Variants in TUSC3 observed in about 807,000 individuals in gnomAD.
The protein encoded by TUSC3 is dolichyl-diphosphooligosaccharide--protein glycosyltransferase subunit TUSC3.
Under a neutral mutation model 44.8 loss-of-function variants are expected in TUSC3, and 45 were observed. The observed-to-expected ratio is 1.00, with a 90% CI of 0.79 to 1.29. The LOEUF is 1.29. Ranked by LOEUF, TUSC3 falls within the 50% of genes most tolerant of loss-of-function variation. The probability of loss-of-function intolerance (pLI) is 0.00; values close to 1 mark genes in which losing one functional copy is unlikely to be tolerated. For synonymous variants in TUSC3, 212 were observed against 152.9 expected, an observed-to-expected ratio of 1.39 and a Z score of -2.85; for missense variants, 519 against 437.9, an observed-to-expected ratio of 1.19 and a Z score of -1.65.
chr8:15,774,993 T>C, the TUSC3 span, among the ~76,000 whole-genome samples: 1 of 152,000 alleles, frequency 6.6e-6, no homozygotes, highest in Non-Finnish European at 1.5e-5. Flanking sequence ...TAAGGGAAAA[T>C]AGGTGTTTAA....
At chr8:15,423,258 G>A (rs1799760831) in intron 1 of TUSC3, among the ~76,000 whole-genome samples, 1 of 152,102 alleles carries the variant, frequency 6.6e-6, no homozygotes, top group Non-Finnish European at 1.5e-5. Flanking sequence ...TAATATTTCT[G>A]CATCTATGAT....
the TUSC3 span, among the ~76,000 whole-genome samples, chr8:15,785,084 T>C: frequency 6.2e-4 from 94 of 152,182 alleles, no homozygotes; most frequent in African/African-American, 2.2e-3. Flanking sequence ...GGATAATGTG[T>C]TAATCCACTA....
At chr8:15,553,364 G>T (rs1354284818) in intron 1 of TUSC3, among the ~76,000 whole-genome samples, 1 of 151,664 alleles carries the variant, frequency 6.6e-6, no homozygotes, top group South Asian at 2.1e-4. Flanking sequence ...CTGCAAAAGC[G>T]ATGCTTGCAA....
intron 1 of TUSC3, among the ~76,000 whole-genome samples, chr8:15,577,008 C>A (rs1307746238): frequency 7.2e-6 from 1 of 138,716 alleles, no homozygotes. Flanking sequence ...GCCATTCTAA[C>A]TGGTGTGAGA....
Position 15,540,447 on chromosome 8 carries a change from C to T in TUSC3, c.17C>T (p.Ala6Val), listed in dbSNP as rs1211304490. 6 of 1,600,164 alleles carry T rather than the reference C, an allele frequency of 3.7e-6. No homozygotes were observed. The Admixed American group carries it at 8.5e-5, about 23-fold the overall frequency. MGARG[A>V]PSRRRQAGRR... is the part of the protein sequence containing the mutation. ...CCTGCCGCGATGGGGGCCCGGGGCG[C>T]TCCTTCACGCCGTAGGCAAGCGGGG... Residue 6 changes from alanine to valine, a missense_variant, in exon 1 of 11, where the codon GCT (alanine) becomes GTT (valine). Ala to Val is a moderately conservative substitution (Grantham distance 64). Coordinates refer to ENST00000503731, the MANE Select transcript of TUSC3 (RefSeq NM_006765.4).
the TUSC3 span, among the ~76,000 whole-genome samples, chr8:15,778,602 C>G: frequency 6.6e-6 from 1 of 152,128 alleles, no homozygotes; most frequent in East Asian, 1.9e-4. Context: ...CTTTCTCTTC[C>G]AAGTAGGCAG....
intron 2 of TUSC3, among the ~76,000 whole-genome samples, chr8:15,486,506 G>C (rs138345855): frequency 6.6e-6 from 1 of 152,048 alleles, no homozygotes; most frequent in Non-Finnish European, 1.5e-5. Context: ...GTACAGTGGT[G>C]CTGTCTCGCC....
chr8:15,718,015 A>G (rs925369638), intron 6 of TUSC3, among the ~76,000 whole-genome samples: 4 of 152,118 alleles, frequency 2.6e-5, no homozygotes, highest in African/African-American at 9.7e-5. Context: ...GCATTTTATG[A>G]AACAGAATAT....
intron 1 of TUSC3, among the ~76,000 whole-genome samples, chr8:15,599,647 A>G (rs1804201074): frequency 6.7e-6 from 1 of 149,638 alleles, no homozygotes; most frequent in Non-Finnish European, 1.5e-5. Context: ...GTAGATATCT[A>G]GCTGTTCTAG....
upstream of TUSC3, among the ~76,000 whole-genome samples, chr8:15,536,434 C>G (rs1416992677): frequency 1.3e-5 from 2 of 151,994 alleles, no homozygotes; most frequent in East Asian, 3.9e-4. Flanking sequence ...GTAATCCCAG[C>G]ACTTTGGGAT....
At chr8:15,609,449 C>T (rs1416420730) in intron 1 of TUSC3, among the ~76,000 whole-genome samples, 2 of 152,122 alleles carry the variant, frequency 1.3e-5, no homozygotes, top group African/African-American at 4.8e-5. Context: ...CTTTTAACAG[C>T]TGCTCTCATT....
At chr8:15,477,714 C>T (rs886699781) in intron 1 of TUSC3, among the ~76,000 whole-genome samples, 1 of 152,006 alleles carries the variant, frequency 6.6e-6, no homozygotes, top group East Asian at 1.9e-4. Flanking sequence ...GAGTGAGACT[C>T]TGTCTCAAAA....
At chr8:15,798,094 G>T in the TUSC3 span, among the ~76,000 whole-genome samples, 1 of 152,108 alleles carries the variant, frequency 6.6e-6, no homozygotes, top group Non-Finnish European at 1.5e-5. Context: ...TCCCACTAGG[G>T]GTTCTCTACA....
intron 1 of TUSC3, among the ~76,000 whole-genome samples, chr8:15,594,528 T>A (rs1803985317): frequency 6.6e-6 from 1 of 152,234 alleles, no homozygotes; most frequent in Non-Finnish European, 1.5e-5. Flanking sequence ...GTTCTGGCTG[T>A]GATGCAAGCA....
At chr8:15,715,676 T>C (rs1810028270) in intron 6 of TUSC3, among the ~76,000 whole-genome samples, 1 of 151,814 alleles carries the variant, frequency 6.6e-6, no homozygotes, top group African/African-American at 2.4e-5. Flanking sequence ...GGGGGACTAC[T>C]ATGCATTTCC....
At chr8:15,577,093 G>T (rs1803146361) in intron 1 of TUSC3, among the ~76,000 whole-genome samples, 1 of 144,860 alleles carries the variant, frequency 6.9e-6, no homozygotes, top group Non-Finnish European at 1.5e-5. Context: ...TGTGTTTCTT[G>T]GCTGCATAAA....
intron 1 of TUSC3, among the ~76,000 whole-genome samples, chr8:15,479,326 G>C (rs763104493): frequency 6.6e-6 from 1 of 152,068 alleles, no homozygotes; most frequent in Non-Finnish European, 1.5e-5. Flanking sequence ...TGTTGTAATT[G>C]CTTTTGATGT....
chr8:15,823,535 A>G, the TUSC3 span, among the ~76,000 whole-genome samples: 18 of 152,280 alleles, frequency 1.2e-4, no homozygotes, highest in Admixed American at 9.2e-4. Flanking sequence ...ATTATTGTAG[A>G]TTCTTCCAAA....
chr8:15,716,048 G>A (rs914841385), intron 6 of TUSC3, among the ~76,000 whole-genome samples: 1 of 151,986 alleles, frequency 6.6e-6, no homozygotes, highest in Non-Finnish European at 1.5e-5. Flanking sequence ...TTGAGATAAG[G>A]AGTTCAAGAC....
Sources: gnomAD v4.1 joint callset for allele counts (sites outside exome capture counted in the v4.1 genomes callset) on GRCh38, gnomAD v4.1.1 for gene constraint, MANE v1.5 for transcripts, NCBI Gene and HGNC (gene_info 2026-07-23, HGNC 2026-07-21) for gene names.